PRAG1: variants seen among roughly 807,000 people sequenced by gnomAD.
The protein encoded by PRAG1 is PEAK1 related, kinase-activating pseudokinase 1.
In PRAG1, 110 loss-of-function variants were observed where a neutral mutation model predicts 95.6. That is an observed-to-expected ratio of 1.15 (90% CI 0.99 to 1.35). The LOEUF is 1.35. Ranked by LOEUF, PRAG1 falls within the 40% of genes most tolerant of loss-of-function variation. The pLI is 0.00. For synonymous variants in PRAG1, 1,052 were observed against 819.4 expected (o/e 1.28, Z -4.85); for missense variants, 2,554 against 1,864.7 (o/e 1.37, Z -6.81).
chr8:8,319,082 T>G lies in PRAG1; in HGVS notation c.3293A>C (p.Gln1098Pro). The G allele has an allele frequency of 6.2e-7, 1 of 1,611,084 alleles. No individual in the cohort carries two copies. The highest frequency in any genetic ancestry group is 1.3e-5 in the African/African-American group (1 of 75,042). ...GTCCCGCACGAAGTCGGAGGCGGTC[T>G]GATGTGGCACCTCTCGGGTGATGAC... ...VVVITREVPH[Q>P]TASDFVRDSA... The change falls in exon 6 of 6, where the codon CAG becomes CCG. Residue 1098 changes from glutamine to proline, a missense_variant. Gln to Pro is a moderately conservative substitution (Grantham distance 76, BLOSUM62 -1). Coordinates refer to ENST00000615670, the MANE Select transcript of PRAG1 (RefSeq NM_001080826.3).
chr8:8,376,175 T>C, intron 3 of PRAG1, 72 bp downstream of exon 3: 1 of 1,526,982 alleles, frequency 6.5e-7, no homozygotes, highest in Non-Finnish European at 8.8e-7. Context: ...AAAGCTTTGA[T>C]GAGGGCAAAG....
intron 4 of PRAG1, among the ~76,000 whole-genome samples, chr8:8,329,074 G>A (rs555675400): frequency 6.6e-4 from 101 of 152,234 alleles, no homozygotes; most frequent in Admixed American, 3.1e-3. Context: ...CAGGTTTATA[G>A]AGGGTGTAAC....
At chr8:8,365,805 T>C (rs1214681785) in intron 3 of PRAG1, among the ~76,000 whole-genome samples, 1 of 149,758 alleles carries the variant, frequency 6.7e-6, no homozygotes, top group Non-Finnish European at 1.5e-5. Context: ...TATATATATA[T>C]ACACACACAT....
chr8:8,318,947 T>G lies in PRAG1; in HGVS notation c.3428A>C (p.His1143Pro). 1 of 1,612,334 alleles carries G rather than the reference T, an allele frequency of 6.2e-7. No individual in the cohort carries two copies. The highest frequency in any genetic ancestry group is 8.5e-7 in the Non-Finnish European group (1 of 1,179,492). The change falls in exon 6 of 6, where the codon CAC becomes CCC. Residue 1143 changes from histidine to proline, a missense_variant. Physicochemically the swap from His to Pro is moderately conservative, Grantham distance 77. Transcript: ENST00000615670. The surrounding 1 kb of genome is among the most constrained non-coding windows in gnomAD (Gnocchi z 4.2). ...LEHLKEHGIIHRDLCLENLLL... is the reference protein window; with the variant it reads ...LEHLKEHGIIPRDLCLENLLL... The stretch of plus-strand genomic sequence containing the variant: ...CAGGTTCTCCAGGCACAGGTCCCGG[T>G]GGATGATCCCGTGCTCCTTCAGGTG...
Position 8,377,872 on chromosome 8 carries a change from C to A in PRAG1, c.537G>T (p.Pro179=), listed in dbSNP as rs773917426. The change falls in exon 3 of 6, where the codon CCG becomes CCT. Residue 179 remains proline, a synonymous_variant. Transcript: ENST00000615670. The part of the protein sequence containing the change: ...PRGERNIAFH[P]VSFPEEKAVH... ...CAGCCTTCTCCTCCGGGAAGCTCAC[C>A]GGGTGGAAGGCAATGTTCCTCTCGC... The A allele has an allele frequency of 6.2e-7, 1 of 1,613,984 alleles. No homozygotes were observed. Among genetic ancestry groups the A allele is most frequent in the Admixed American group, 1.7e-5 (1 of 60,004 alleles).
chr8:8,376,179 G>A (rs1043610677), intron 3 of PRAG1, 68 bp downstream of exon 3: 30 of 1,554,336 alleles, frequency 1.9e-5, no homozygotes, highest in Middle Eastern at 4.8e-4. Context: ...CTTTGATGAG[G>A]GCAAAGGTTT....
At chr8:8,334,857 C>T (rs10095216) in intron 4 of PRAG1, among the ~76,000 whole-genome samples, 8 of 151,856 alleles carry the variant, frequency 5.3e-5, no homozygotes, top group African/African-American at 1.7e-4. Flanking sequence ...CTGAGGTGAG[C>T]GGATCACTTG....
chr8:8,319,585 C>T (rs1043110710), intron 5 of PRAG1, among the ~76,000 whole-genome samples: 1 of 152,062 alleles, frequency 6.6e-6, no homozygotes, highest in Admixed American at 6.5e-5. Context: ...CAAAAGACAC[C>T]ATTAAGAAAG....
intron 5 of PRAG1, among the ~76,000 whole-genome samples, chr8:8,325,850 T>C (rs1022732861): frequency 1.1e-4 from 17 of 149,452 alleles, no homozygotes; most frequent in African/African-American, 3.9e-4. Context: ...GAGATGGAGG[T>C]TGCAGTCAGC....
At chr8:8,329,896 G>A (rs553041946) in intron 4 of PRAG1, among the ~76,000 whole-genome samples, 176 of 152,304 alleles carry the variant, frequency 1.2e-3, no homozygotes, top group African/African-American at 4.0e-3. Flanking sequence ...ATTAGTGAGC[G>A]ACAGCAGGGC....
chr8:8,321,345 A>G (rs1798466280), intron 5 of PRAG1, among the ~76,000 whole-genome samples: 1 of 152,216 alleles, frequency 6.6e-6, no homozygotes, highest in African/African-American at 2.4e-5. Flanking sequence ...TCGGCCTCCC[A>G]AAGTGCTGGG....
intron 3 of PRAG1, among the ~76,000 whole-genome samples, chr8:8,359,018 A>C (rs1799767965): frequency 6.6e-6 from 1 of 152,252 alleles, no homozygotes; most frequent in Non-Finnish European, 1.5e-5. Context: ...TGTATATATA[A>C]AATGCTTATC....
At position 8,318,154 on chromosome 8, in the gene PRAG1, TCA is replaced by T. The variant is rs1338528425; in HGVS notation, c.4219_4220del (p.Ter1407SerfsTer40). ...GCGACGGTGCAGGCTGGGGCTTGGC[TCA>T]CAGAAGCTGCAGGAGCTTCAGCGAC... ...LQSLKLLQLL[*>X] On this transcript the variant is annotated frameshift_variant and stop_lost, in exon 6 of 6. Transcript: ENST00000615670. LOFTEE classifies it high-confidence loss of function. The surrounding 1 kb of genome is among the most constrained non-coding windows in gnomAD (Gnocchi z 4.2). 2.5e-6 allele frequency: 4 copies of T among 1,610,946 alleles called. No individual in the cohort carries two copies. Among genetic ancestry groups the T allele is most frequent in the Non-Finnish European group, 3.4e-6 (4 of 1,178,362 alleles).
chr8:8,347,173 C>T (rs929056050), intron 3 of PRAG1, among the ~76,000 whole-genome samples: 6 of 152,170 alleles, frequency 3.9e-5, no homozygotes, highest in Admixed American at 6.5e-5. Flanking sequence ...GACTCAGGCC[C>T]GTAGTGCTGT....
Position 8,381,582 on chromosome 8 carries a change from G to A in PRAG1, c.166C>T (p.Pro56Ser), listed in dbSNP as rs777448711. 3 of 1,614,056 alleles carry A rather than the reference G, an allele frequency of 1.9e-6. No homozygotes were observed. The highest frequency in any genetic ancestry group is 2.2e-5 in the South Asian group (2 of 91,088). Residue 56 changes from proline (P) to serine (S), a missense_variant, in exon 2 of 6, where the codon CCT becomes TCT. By Grantham distance (74) the Pro-to-Ser change is moderately conservative. Coordinates refer to ENST00000615670, the MANE Select transcript of PRAG1 (RefSeq NM_001080826.3). The part of the protein sequence containing the change: ...PPQPRAGSLP[P>S]PPRLPPRPEN... ...GGCCTGGGAGGCAGGCGCGGTGGAG[G>A]GGGCAGGCTGCCCGCTCTGGGCTGG...
At chr8:8,370,990 T>C (rs1320747853) in intron 3 of PRAG1, among the ~76,000 whole-genome samples, 4 of 151,870 alleles carry the variant, frequency 2.6e-5, no homozygotes, top group Non-Finnish European at 4.4e-5. Context: ...ATATAAAAAT[T>C]AGCCATGCGT....
In PRAG1 at chr8:8,319,117, G is replaced by T; in HGVS notation, c.3258C>A (p.Asp1086Glu). The stretch of plus-strand genomic sequence containing the variant: ...CCTCTCGGGTGATGACCACCACGCA[G>T]TCCTGCTCCTGGGCAGGGGGGTGTG... Reference protein sequence around the residue: ...LPTHPPAQEQDCVVVITREVP... With the variant: ...LPTHPPAQEQECVVVITREVP... Residue 1086 changes from aspartate to glutamate, a missense_variant, in exon 6 of 6, where the codon GAC (aspartate) becomes GAA (glutamate). By Grantham distance (45) the Asp-to-Glu change is conservative. Transcript: ENST00000615670. 6.2e-7 allele frequency: 1 copy of T among 1,607,672 alleles called. No homozygotes were observed. The highest frequency in any genetic ancestry group is 8.5e-7 in the Non-Finnish European group (1 of 1,178,092).
At chr8:8,346,182 A>AT (rs1310398406) in intron 3 of PRAG1, among the ~76,000 whole-genome samples, 2 of 152,250 alleles carry the variant, frequency 1.3e-5, no homozygotes, top group Non-Finnish European at 2.9e-5. Context: ...TTCATTAATA[A>AT]TAATTTGATC....
rs546522586 is a variant in PRAG1, at chr8:8,334,978, G to A, written c.2320+4500C>T. On this transcript the variant is annotated intron_variant, in intron 4 of 5. Coordinates refer to ENST00000615670, the MANE Select transcript of PRAG1 (RefSeq NM_001080826.3). ...GCATGCAGTCCTAGCTGCTGAGGCA[G>A]GAGAATTGTTTGAACCCTGGAGGTG... Among the ~76,000 whole-genome samples the A allele has an allele frequency of 3.2e-3, 492 of 152,068 alleles. 4 individuals carry two copies. The highest frequency in any genetic ancestry group is 0.011 in the African/African-American group (464 of 41,466).
Sources: allele counts gnomAD v4.1 joint callset (sites outside exome capture counted in the v4.1 genomes callset), GRCh38; gene constraint gnomAD v4.1.1; non-coding constraint Gnocchi (gnomAD v3.1); transcripts MANE v1.5; gene names NCBI Gene and HGNC (gene_info 2026-07-23, HGNC 2026-07-21).